Variants in ELFN1 observed in about 807,000 individuals in gnomAD.
ELFN1 encodes the protein protein ELFN1.
A neutral mutation model predicts 7.6 loss-of-function variants in ELFN1; 6 were observed. The ratio of observed to expected loss-of-function variants is 0.79; its 90% CI spans 0.43 to 1.56. ELFN1 has a LOEUF of 1.56. Ranked by LOEUF, ELFN1 falls within the 40% of genes most tolerant of loss-of-function variation. The probability of loss-of-function intolerance (pLI) is 0.01; values close to 1 mark genes in which losing one functional copy is unlikely to be tolerated. For missense variants in ELFN1, 1,169 were observed against 1,232.2 expected (o/e 0.95, Z 0.77); for synonymous variants, 657 against 588.1 (o/e 1.12, Z -1.70).
chr7:1,726,437 G>A (rs1363183332), intron 3 of ELFN1, among the ~76,000 whole-genome samples: 2 of 152,202 alleles, frequency 1.3e-5, no homozygotes, highest in African/African-American at 2.4e-5. Context: ...ATATGCTGGC[G>A]GCACGCTCAG....
In ELFN1 at chr7:1,673,033, A is replaced by G. The variant is rs1041884713; in HGVS notation, c.-549+2679A>G. ...CATAAATTTCCAGGCGTGAACCTGG[A>G]GCGGATGGTGGCACCGCCGCGGACA... On this transcript the variant is annotated intron_variant, in intron 1 of 3. Coordinates refer to ENST00000424383, the MANE Select transcript of ELFN1 (RefSeq NM_001128636.4). This position sits in a 1 kb window ranked among gnomAD's most constrained non-coding sequence, Gnocchi z 4.7. 2.0e-5 allele frequency among the ~76,000 whole-genome samples: 3 copies of G among 152,030 alleles called. No homozygotes were observed. Among genetic ancestry groups the G allele is most frequent in the African/African-American group, 7.2e-5 (3 of 41,382 alleles).
intron 1 of ELFN1, among the ~76,000 whole-genome samples, chr7:1,679,047 G>A (rs973612859): frequency 2.0e-5 from 3 of 152,132 alleles, no homozygotes; most frequent in East Asian, 1.9e-4. Flanking sequence ...GCTGGGCTGC[G>A]TGACCCTGAG....
chr7:1,745,444 A>T lies in ELFN1; in HGVS notation c.848A>T (p.Glu283Val). ...GRSPPPPPPP[E>V]PSDMPCADDE... ...TCCCCGCCGCCCCCGCCTCCGCCGG[A>T]GCCCAGTGACATGCCCTGTGCCGAT... The change falls in exon 4 of 4, where the codon GAG becomes GTG. Residue 283 changes from glutamate (E) to valine (V), a missense_variant. This residue lies in a region of ELFN1 where 914 missense variants were observed against 872.6 expected (regional missense o/e 1.05). Transcript: ENST00000424383. 1 of 1,540,298 alleles carries T rather than the reference A, an allele frequency of 6.5e-7. No individual in the cohort carries two copies. Among genetic ancestry groups the T allele is most frequent in the South Asian group, 1.2e-5 (1 of 84,000 alleles).
chr7:1,746,568 G>A lies in ELFN1; in HGVS notation c.1972G>A (p.Gly658Arg), dbSNP rs1211834858. Reference sequence around the variant, plus strand: ...CCGCGCCTTCCGAGCCGAGGCCGTCGGGGTGCACAAGGCCGCGGCCGCCGA... The same window carrying A: ...CCGCGCCTTCCGAGCCGAGGCCGTCAGGGTGCACAAGGCCGCGGCCGCCGA... ...SPRAFRAEAV[G>R]VHKAAAAEAK... Residue 658 changes from glycine (G) to arginine (R), a missense_variant, in exon 4 of 4, where the codon GGG becomes AGG. This residue lies in a region of ELFN1 where 914 missense variants were observed against 872.6 expected (regional missense o/e 1.05). Coordinates refer to ENST00000424383, the MANE Select transcript of ELFN1 (RefSeq NM_001128636.4). The A allele has an allele frequency of 1.8e-5, 24 of 1,356,968 alleles. No homozygotes were observed. Among genetic ancestry groups the A allele is most frequent in the South Asian group, 5.1e-5 (3 of 58,974 alleles). 84.1% of individuals were successfully genotyped at this position (1,356,968 alleles called of 1,614,324 possible).
At chr7:1,720,286 C>T (rs1392009715) in intron 3 of ELFN1, among the ~76,000 whole-genome samples, 1 of 152,190 alleles carries the variant, frequency 6.6e-6, no homozygotes, top group Non-Finnish European at 1.5e-5. Flanking sequence ...AAGATGGGAA[C>T]AGCCGGTGGG....
Position 1,746,325 on chromosome 7 carries a change from A to C in ELFN1, c.1729A>C (p.Lys577Gln). Residue 577 changes from lysine to glutamine, a missense_variant, in exon 4 of 4, where the codon AAG (lysine) becomes CAG (glutamine). This residue lies in a region of ELFN1 where 914 missense variants were observed against 872.6 expected (regional missense o/e 1.05). Coordinates refer to ENST00000424383, the MANE Select transcript of ELFN1 (RefSeq NM_001128636.4). ...CATCAACAACTGCATCGACGCGCTC[A>C]AGTCCGAGTCCACCTCCTTCCAGGG... The part of the protein sequence containing the change: ...QIINNCIDAL[K>Q]SESTSFQGVK... 1.9e-6 allele frequency: 3 copies of C among 1,557,822 alleles called. No individual in the cohort carries two copies. Among genetic ancestry groups the C allele is most frequent in the Non-Finnish European group, 2.6e-6 (3 of 1,151,710 alleles).
upstream of ELFN1, among the ~76,000 whole-genome samples, chr7:1,669,871 C>CCACCCACCCACCCACCCCCT: frequency 7.1e-6 from 1 of 141,564 alleles, no homozygotes; most frequent in East Asian, 2.2e-4. Flanking sequence ...CTCCCCCCAC[C>CCACCCACCCACCCACCCCCT]CACCCACCCA....
At chr7:1,734,901 C>A (rs1484892843) in intron 3 of ELFN1, among the ~76,000 whole-genome samples, 1 of 152,040 alleles carries the variant, frequency 6.6e-6, no homozygotes, top group Non-Finnish European at 1.5e-5. Context: ...TCTCACATTG[C>A]CCAGGCTGGG....
upstream of ELFN1, among the ~76,000 whole-genome samples, chr7:1,667,315 C>T (rs1306291206): frequency 6.6e-6 from 1 of 152,122 alleles, no homozygotes; most frequent in Non-Finnish European, 1.5e-5. This position sits in a 1 kb window ranked among gnomAD's most constrained non-coding sequence, Gnocchi z 8.2. Context: ...TTCCTCCCAA[C>T]CCACGGCGAG....
chr7:1,703,716 A>G (rs1428246972), intron 2 of ELFN1, among the ~76,000 whole-genome samples: 1 of 152,156 alleles, frequency 6.6e-6, no homozygotes, highest in Non-Finnish European at 1.5e-5. Flanking sequence ...TTGATTGTGG[A>G]GCCCTAATTA....
chr7:1,724,065 G>A (rs1405863370), intron 3 of ELFN1, among the ~76,000 whole-genome samples: 2 of 152,200 alleles, frequency 1.3e-5, no homozygotes, highest in Non-Finnish European at 2.9e-5. Flanking sequence ...CTTAGTTGCC[G>A]TGGGAACTCA....
chr7:1,745,431 C>G lies in ELFN1; in HGVS notation c.835C>G (p.Pro279Ala), dbSNP rs1215411804. The stretch of plus-strand genomic sequence containing the variant: ...ACAGCCGGGCCGCTCCCCGCCGCCC[C>G]CGCCTCCGCCGGAGCCCAGTGACAT... ...RSQPGRSPPP[P>A]PPPEPSDMPC... is the part of the protein sequence containing the mutation. Residue 279 changes from proline to alanine, a missense_variant, in exon 4 of 4, where the codon CCG becomes GCG. This residue lies in a region of ELFN1 where 914 missense variants were observed against 872.6 expected (regional missense o/e 1.05). Coordinates refer to ENST00000424383, the MANE Select transcript of ELFN1 (RefSeq NM_001128636.4). The G allele has an allele frequency of 3.9e-6, 6 of 1,539,388 alleles. No homozygotes were observed. Among genetic ancestry groups the G allele is most frequent in the Non-Finnish European group, 5.2e-6 (6 of 1,146,256 alleles).
rs1019534565 is a variant in ELFN1, at chr7:1,735,325, G to C, written c.-293-8979G>C. 6.6e-6 allele frequency among the ~76,000 whole-genome samples: 1 copy of C among 152,076 alleles called. No individual in the cohort carries two copies. Among genetic ancestry groups the C allele is most frequent in the African/African-American group, 2.4e-5 (1 of 41,406 alleles). ...TGGCCCAAGGTCACATGGTAAGGTC[G>C]TCAGGCACTCGGCACCGTTCCCATA... is the stretch of plus-strand genomic sequence containing the variant. On this transcript the variant is annotated intron_variant, in intron 3 of 3. Coordinates refer to ENST00000424383, the MANE Select transcript of ELFN1 (RefSeq NM_001128636.4). The surrounding 1 kb of genome is among the most constrained non-coding windows in gnomAD (Gnocchi z 5.9).
In ELFN1 at chr7:1,740,539, TTGAG is replaced by T. The variant is rs1438285735; in HGVS notation, c.-293-3760_-293-3757del. Among the ~76,000 whole-genome samples the T allele has an allele frequency of 6.6e-6, 1 of 152,116 alleles. No homozygotes were observed. Among genetic ancestry groups the T allele is most frequent in the Admixed American group, 6.5e-5 (1 of 15,286 alleles). On this transcript the variant is annotated intron_variant, in intron 3 of 3. Transcript: ENST00000424383. The surrounding 1 kb of genome is among the most constrained non-coding windows in gnomAD (Gnocchi z 5.0). Reference sequence around the variant, plus strand: ...AGGCTGGCGGGGCATCGAGAGTGACTTGAGTGAGCGAGCCCAGCTGGAAAGGGCT... The same window carrying T: ...AGGCTGGCGGGGCATCGAGAGTGACTTGAGCGAGCCCAGCTGGAAAGGGCT...
chr7:1,741,305 G>T (rs1400092968), intron 3 of ELFN1, among the ~76,000 whole-genome samples: 1 of 152,186 alleles, frequency 6.6e-6, no homozygotes, highest in Non-Finnish European at 1.5e-5. Flanking sequence ...TCCCTGCCCA[G>T]GAGACTTGGC....
intron 2 of ELFN1, among the ~76,000 whole-genome samples, chr7:1,706,577 C>G (rs984009197): frequency 3.3e-5 from 5 of 152,254 alleles, no homozygotes; most frequent in African/African-American, 1.2e-4. Context: ...AGTGCAGCCC[C>G]TGGGCCAGCA....
chr7:1,689,272 G>T (rs1041979281), intron 2 of ELFN1, among the ~76,000 whole-genome samples: 2 of 152,224 alleles, frequency 1.3e-5, no homozygotes, highest in Non-Finnish European at 2.9e-5. Flanking sequence ...GCATGCTCAC[G>T]CATGTGTGTG....
intron 1 of ELFN1, among the ~76,000 whole-genome samples, chr7:1,684,991 C>G (rs528936249): frequency 7.9e-5 from 12 of 152,278 alleles, no homozygotes; most frequent in African/African-American, 2.9e-4. Flanking sequence ...CTGACATTTC[C>G]TTTCAGCCTA....
upstream of ELFN1, among the ~76,000 whole-genome samples, chr7:1,666,966 G>C (rs1778681110): frequency 6.6e-6 from 1 of 151,992 alleles, no homozygotes. The surrounding 1 kb of genome is among the most constrained non-coding windows in gnomAD (Gnocchi z 7.9). Flanking sequence ...CTCCCGGTCC[G>C]GGAAGCTGGC....
Sources: allele counts gnomAD v4.1 joint callset (sites outside exome capture counted in the v4.1 genomes callset), GRCh38; gene constraint gnomAD v4.1.1; regional missense constraint gnomAD v4.1.1; non-coding constraint Gnocchi (gnomAD v3.1); transcripts MANE v1.5; gene names NCBI Gene and HGNC (gene_info 2026-07-23, HGNC 2026-07-21).